SSBP1: variants seen among roughly 807,000 people sequenced by gnomAD.
The protein encoded by SSBP1 is single stranded DNA binding protein 1.
Under a neutral mutation model 27.0 loss-of-function variants are expected in SSBP1, and 20 were observed. The ratio of observed to expected loss-of-function variants is 0.74; its 90% CI spans 0.52 to 1.08. SSBP1 has a LOEUF of 1.08. SSBP1 is among the 50% of genes least tolerant of loss of function. The pLI is 0.00. For missense variants in SSBP1, 137 were observed against 182.4 expected, an observed-to-expected ratio of 0.75 and a Z score of 1.44; for synonymous variants, 59 against 59.3, an observed-to-expected ratio of 1.00 and a Z score of 0.02.
chr7:141,739,038 G>T (rs1396883736), intron 1 of SSBP1, 86 bp from the exon 2 acceptor site: 5 of 696,112 alleles, frequency 7.2e-6, no homozygotes, highest in African/African-American at 1.8e-5. Flanking sequence ...TAAAAATTAT[G>T]AATATAGTTA....
At position 141,739,191 on chromosome 7, in the gene SSBP1, G is replaced by A; in HGVS notation, c.24+1G>A. 1 of 1,600,642 alleles carries A rather than the reference G, an allele frequency of 6.2e-7. No individual in the cohort carries two copies. The highest frequency in any genetic ancestry group is 2.2e-5 in the East Asian group (1 of 44,660). On this transcript the variant is annotated splice_donor_variant, in intron 2 of 6. Transcript: ENST00000265304. LOFTEE classifies it high-confidence loss of function. Reference sequence around the variant, plus strand: ...CATGTTTCGAAGACCTGTATTACAGGTAGTCACTTGTCTGTATTAATACTG... The same window carrying A: ...CATGTTTCGAAGACCTGTATTACAGATAGTCACTTGTCTGTATTAATACTG...
chr7:141,742,635 T>G (rs2117170707), intron 3 of SSBP1, among the ~76,000 whole-genome samples: 1 of 150,962 alleles, frequency 6.6e-6, no homozygotes, highest in South Asian at 2.2e-4. Flanking sequence ...AAAGATATCT[T>G]AAAGAATTTA....
chr7:141,748,888 C>G (rs1469728568), intron 6 of SSBP1, among the ~76,000 whole-genome samples: 1 of 152,104 alleles, frequency 6.6e-6, no homozygotes, highest in Non-Finnish European at 1.5e-5. Context: ...GATATTAATT[C>G]GAGTAGTTTG....
intron 3 of SSBP1, among the ~76,000 whole-genome samples, chr7:141,743,251 A>G (rs1799632902): frequency 6.6e-6 from 1 of 152,198 alleles, no homozygotes. Context: ...ACAGTTCTAG[A>G]GGCTAAAAAT....
chr7:141,742,111 G>A, intron 2 of SSBP1, 58 bp from the exon 3 acceptor site: 1 of 1,297,882 alleles, frequency 7.7e-7, no homozygotes. Context: ...TAATTCTTCT[G>A]TTTGCATTTG....
intron 6 of SSBP1, chr7:141,746,043 C>T: frequency 1.1e-6 from 1 of 899,690 alleles, no homozygotes; most frequent in South Asian, 5.1e-5. Context: ...TTTTTTGAGC[C>T]AGAATCTCAC....
At chr7:141,745,684 TTA>T (rs1347142066) in intron 6 of SSBP1, 100 bp downstream of exon 6, 17 of 1,512,870 alleles carry the variant, frequency 1.1e-5, no homozygotes, top group Non-Finnish European at 1.5e-5. Context: ...GTACCAGTAC[TTA>T]TGAGTTAAGG....
Position 141,747,551 on chromosome 7 carries a change from A to G in SSBP1, c.403+1967A>G, listed in dbSNP as rs1000220071. ...ACTACAGGCACGCGCCACCACGCCC[A>G]GCTAATTTTTGTATTTGTAGTAGAG... On this transcript the variant is annotated intron_variant, in intron 6 of 6. Coordinates refer to ENST00000265304, the MANE Select transcript of SSBP1 (RefSeq NM_003143.3). Among the ~76,000 whole-genome samples, 126 of 151,310 alleles carry G rather than the reference A, an allele frequency of 8.3e-4. 2 individuals carry two copies. The highest frequency in any genetic ancestry group is 3.0e-3 in the African/African-American group (125 of 41,248).
At chr7:141,749,267 A>G (rs1356808970) in intron 6 of SSBP1, among the ~76,000 whole-genome samples, 2 of 152,202 alleles carry the variant, frequency 1.3e-5, no homozygotes, top group Non-Finnish European at 2.9e-5. Context: ...ATACCATTTT[A>G]TATCAGGGAC....
In SSBP1 at chr7:141,745,570, C is replaced by A; in HGVS notation, c.389C>A (p.Thr130Lys). ...MDKNNVRRQA[T>K]TIIADNIIFL... ...AAAAATAATGTGAGGCGACAAGCAA[C>A]AACAATCATAGCTGGTAAGAAGCTT... is the stretch of plus-strand genomic sequence containing the variant. Residue 130 changes from threonine (T) to lysine (K), a missense_variant, in exon 6 of 7, where the codon ACA (threonine) becomes AAA (lysine). Thr to Lys is a moderately conservative substitution (Grantham distance 78). Coordinates refer to ENST00000265304, the MANE Select transcript of SSBP1 (RefSeq NM_003143.3). 1 of 1,613,128 alleles carries A rather than the reference C, an allele frequency of 6.2e-7. No individual in the cohort carries two copies. Among genetic ancestry groups the A allele is most frequent in the Non-Finnish European group, 8.5e-7 (1 of 1,179,582 alleles).
intron 3 of SSBP1, among the ~76,000 whole-genome samples, chr7:141,743,055 G>A (rs770595705): frequency 1.1e-4 from 17 of 152,142 alleles, no homozygotes; most frequent in Admixed American, 2.6e-4. Context: ...GGGTTTCACC[G>A]TGTTAGCCAG....
At chr7:141,742,797 A>G (rs1226045160) in intron 3 of SSBP1, among the ~76,000 whole-genome samples, 1 of 152,182 alleles carries the variant, frequency 6.6e-6, no homozygotes, top group Admixed American at 6.5e-5. Context: ...TAATGCAGAG[A>G]TTGAAGTTGA....
Position 141,745,480 on chromosome 7 carries a change from A to G in SSBP1, c.315-16A>G, listed in dbSNP as rs781645930. ...TTAAGATCTCAACTAAAAACTGTAC[A>G]TTTTATTTATATCAGGTCTCGAATT... On this transcript the variant is annotated splice_polypyrimidine_tract_variant and intron_variant, in intron 5 of 6. Transcript: ENST00000265304. The G allele has an allele frequency of 7.0e-6, 11 of 1,581,866 alleles. No homozygotes were observed. In the South Asian group the frequency reaches 1.1e-4, roughly 16 times the overall value.
chr7:141,743,805 T>C, intron 4 of SSBP1, 97 bp from the exon 5 acceptor site: 1 of 1,540,748 alleles, frequency 6.5e-7, no homozygotes. Flanking sequence ...AAGATCTGTC[T>C]TTCATTCTGT....
At chr7:141,744,649 A>G (rs879815054) in intron 5 of SSBP1, among the ~76,000 whole-genome samples, 1 of 152,246 alleles carries the variant, frequency 6.6e-6, no homozygotes, top group Admixed American at 6.5e-5. Context: ...TAATTTAGCA[A>G]TCACTAAAAT....
intron 1 of SSBP1, 144 bp downstream of exon 1, chr7:141,738,554 T>C (rs1471757656): frequency 6.5e-6 from 1 of 152,792 alleles, no homozygotes; most frequent in Non-Finnish European, 1.5e-5. Context: ...GTGATTTCCT[T>C]CCAGTTCTCC....
intron 6 of SSBP1, among the ~76,000 whole-genome samples, chr7:141,749,524 G>A (rs1433785081): frequency 6.6e-6 from 1 of 152,242 alleles, no homozygotes; most frequent in Non-Finnish European, 1.5e-5. Flanking sequence ...GCTCATGCCT[G>A]TAATCCCAGC....
chr7:141,743,004 G>A (rs925023248), intron 3 of SSBP1, among the ~76,000 whole-genome samples: 4 of 152,128 alleles, frequency 2.6e-5, no homozygotes, highest in South Asian at 2.1e-4. Flanking sequence ...ACAGGCGCCC[G>A]CCACCACGCC....
intron 4 of SSBP1, 33 bp downstream of exon 4, chr7:141,743,734 C>G (rs1382490118): frequency 3.7e-6 from 6 of 1,605,280 alleles, no homozygotes; most frequent in South Asian, 3.3e-5. Context: ...TTAATTTTAT[C>G]AGCAATAAAT....
Sources: gnomAD v4.1 joint callset for allele counts (sites outside exome capture counted in the v4.1 genomes callset) on GRCh38, gnomAD v4.1.1 for gene constraint, MANE v1.5 for transcripts, NCBI Gene and HGNC (gene_info 2026-07-23, HGNC 2026-07-21) for gene names.